Variants in SYT1 observed in about 807,000 individuals in gnomAD.
SYT1 encodes synaptotagmin 1.
Under a neutral mutation model 44.8 loss-of-function variants are expected in SYT1, and 8 were observed. That is an observed-to-expected ratio of 0.18 (90% confidence interval 0.10 to 0.32). SYT1 has a LOEUF of 0.32. Ranked by LOEUF, SYT1 falls within the 10% of genes least tolerant of loss-of-function variation. The pLI, the probability that SYT1 is intolerant of heterozygous loss-of-function variation, is 1.00. For missense variants in SYT1, 286 were observed against 509.3 expected (o/e 0.56, Z 4.22); for synonymous variants, 154 against 188.8 (o/e 0.82, Z 1.51).
At chr12:79,057,225 T>A (rs1430690899) in intron 3 of SYT1, among the ~76,000 whole-genome samples, 1 of 152,056 alleles carries the variant, frequency 6.6e-6, no homozygotes, top group Non-Finnish European at 1.5e-5. Context: ...ATTTGAGCAA[T>A]CTATATCCTC....
chr12:78,991,110 A>G (rs1412867723), intron 2 of SYT1, among the ~76,000 whole-genome samples: 1 of 152,156 alleles, frequency 6.6e-6, no homozygotes, highest in African/African-American at 2.4e-5. Flanking sequence ...CATGAAAATC[A>G]TGAGATACTT....
chr12:79,109,458 G>A (rs151222823), intron 3 of SYT1, among the ~76,000 whole-genome samples: 104 of 152,230 alleles, frequency 6.8e-4, no homozygotes, highest in African/African-American at 2.2e-3. Context: ...CCTACGCCCA[G>A]CTAGATCACT....
At chr12:78,933,119 G>A (rs1877847157) in intron 1 of SYT1, among the ~76,000 whole-genome samples, 1 of 152,132 alleles carries the variant, frequency 6.6e-6, no homozygotes, top group African/African-American at 2.4e-5. Flanking sequence ...TTGAAAGAGT[G>A]CACCTGTGAA....
chr12:79,175,938 A>T (rs1871833822), intron 3 of SYT1, among the ~76,000 whole-genome samples: 1 of 152,074 alleles, frequency 6.6e-6, no homozygotes, highest in Admixed American at 6.6e-5. Flanking sequence ...AATTGGAGCC[A>T]TTTCTTGTTT....
chr12:79,373,163 A>G (rs969950515), intron 9 of SYT1, among the ~76,000 whole-genome samples: 1 of 152,208 alleles, frequency 6.6e-6, no homozygotes, highest in Non-Finnish European at 1.5e-5. Context: ...AGCATTTTGT[A>G]AAAATGAAAA....
chr12:79,007,903 T>C (rs1871193248), intron 2 of SYT1, among the ~76,000 whole-genome samples: 1 of 152,090 alleles, frequency 6.6e-6, no homozygotes, highest in African/African-American at 2.4e-5. Flanking sequence ...CATTCGGCAT[T>C]CAACTACAAA....
At chr12:79,269,694 G>A (rs1028570439) in intron 4 of SYT1, among the ~76,000 whole-genome samples, 3 of 151,140 alleles carry the variant, frequency 2.0e-5, no homozygotes, top group Admixed American at 6.6e-5. Flanking sequence ...GTATGAAAAA[G>A]TACACACACA....
intron 9 of SYT1, among the ~76,000 whole-genome samples, chr12:79,385,334 T>A (rs2136081413): frequency 1.3e-5 from 2 of 152,268 alleles, no homozygotes; most frequent in East Asian, 3.9e-4. Context: ...AAAAAAAGAT[T>A]TTTTTTTCCA....
intron 9 of SYT1, chr12:79,392,384 T>C (rs980414921): frequency 4.6e-5 from 7 of 152,114 alleles, no homozygotes; most frequent in African/African-American, 1.7e-4. Context: ...AAATAAACTA[T>C]CAGCTGAACA....
intron 3 of SYT1, among the ~76,000 whole-genome samples, chr12:79,118,911 C>T (rs908154210): frequency 3.9e-5 from 6 of 152,212 alleles, no homozygotes; most frequent in African/African-American, 1.4e-4. Context: ...TTCTCAACTT[C>T]AGATCCAGAT....
At chr12:79,039,639 T>C (rs988433006) in intron 2 of SYT1, among the ~76,000 whole-genome samples, 3 of 151,576 alleles carry the variant, frequency 2.0e-5, no homozygotes, top group Non-Finnish European at 4.4e-5. Flanking sequence ...TTTTTTATTA[T>C]ACTTTAAGTT....
intron 3 of SYT1, among the ~76,000 whole-genome samples, chr12:79,088,018 G>T (rs1180340535): frequency 6.6e-6 from 1 of 152,020 alleles, no homozygotes; most frequent in Non-Finnish European, 1.5e-5. Flanking sequence ...TTTATTGAGT[G>T]CCTACTGCCT....
chr12:79,107,482 A>G lies in SYT1; in HGVS notation c.-18+60120A>G, dbSNP rs1878783481. On this transcript the variant is annotated intron_variant, in intron 3 of 10. Transcript: ENST00000261205. ...CCAATAATACATTAATGTATTGATGACATAAGATAGGTTTGTTCCAGAAGT... is the reference window on the plus strand; with the variant it reads ...CCAATAATACATTAATGTATTGATGGCATAAGATAGGTTTGTTCCAGAAGT... Among the ~76,000 whole-genome samples, 3 of 152,020 alleles carry G rather than the reference A, an allele frequency of 2.0e-5. No individual in the cohort carries two copies. The South Asian group carries it at 6.2e-4, about 31-fold the overall frequency.
intron 9 of SYT1, among the ~76,000 whole-genome samples, chr12:79,366,286 T>C (rs1174108381): frequency 6.6e-6 from 1 of 152,254 alleles, no homozygotes; most frequent in Non-Finnish European, 1.5e-5. Context: ...TCACCAAAAT[T>C]TTTTAAAAAT....
chr12:79,165,845 G>C (rs1027011310), intron 3 of SYT1, among the ~76,000 whole-genome samples: 1 of 151,934 alleles, frequency 6.6e-6, no homozygotes, highest in Middle Eastern at 3.2e-3. Flanking sequence ...GAGTGCTAAA[G>C]CACATTTTCT....
chr12:79,326,108 G>T (rs901369963), intron 8 of SYT1, among the ~76,000 whole-genome samples: 4 of 152,056 alleles, frequency 2.6e-5, no homozygotes, highest in African/African-American at 9.7e-5. Context: ...CCATTCACAG[G>T]ACGACTGTGA....
chr12:79,189,699 T>C (rs1439276495), intron 3 of SYT1, among the ~76,000 whole-genome samples: 2 of 151,294 alleles, frequency 1.3e-5, no homozygotes, highest in African/African-American at 4.9e-5. Flanking sequence ...AGGTCAAGAG[T>C]TTGAGACTAG....
intron 3 of SYT1, among the ~76,000 whole-genome samples, chr12:79,085,019 G>C (rs1344268299): frequency 6.6e-6 from 1 of 152,044 alleles, no homozygotes; most frequent in Non-Finnish European, 1.5e-5. Context: ...TTATACACAT[G>C]ACCTGAAGAT....
chr12:78,927,358 A>G (rs553868261), intron 1 of SYT1, among the ~76,000 whole-genome samples: 1 of 152,100 alleles, frequency 6.6e-6, no homozygotes, highest in Non-Finnish European at 1.5e-5. Flanking sequence ...TGAACACCCA[A>G]TCTTTGGGTA....
Sources: gnomAD v4.1 joint callset for allele counts (sites outside exome capture counted in the v4.1 genomes callset) on GRCh38, gnomAD v4.1.1 for gene constraint, MANE v1.5 for transcripts, NCBI Gene and HGNC (gene_info 2026-07-23, HGNC 2026-07-21) for gene names.